The following WRN variants were observed in gnomAD, a reference collection of about 807,000 sequenced individuals.
WRN encodes WRN RecQ like helicase.
Under a neutral mutation model 180.7 loss-of-function variants are expected in WRN, and 149 were observed. The observed-to-expected ratio is 0.82, with a 90% CI of 0.72 to 0.94. WRN has a LOEUF of 0.94. Ranked by LOEUF, WRN falls within the 40% of genes least tolerant of loss-of-function variation. The pLI is 0.00. For missense variants in WRN, 1,661 were observed against 1,700.1 expected (o/e 0.98, Z 0.40); for synonymous variants, 548 against 568.9 (o/e 0.96, Z 0.52).
chr8:31,037,603 A>G (rs539622451), intron 1 of WRN, among the ~76,000 whole-genome samples: 1 of 152,324 alleles, frequency 6.6e-6, no homozygotes, highest in East Asian at 1.9e-4. Flanking sequence ...ATTCTTTTGC[A>G]TATGGTTATC....
At chr8:31,039,036 C>G (rs1218616487) in intron 1 of WRN, among the ~76,000 whole-genome samples, 1 of 152,108 alleles carries the variant, frequency 6.6e-6, no homozygotes, top group South Asian at 2.1e-4. Context: ...TTCTTCTTTT[C>G]AAGATTATTT....
chr8:31,057,969 ATTAAGTC>A, intron 1 of WRN, among the ~76,000 whole-genome samples: 1 of 152,350 alleles, frequency 6.6e-6, no homozygotes, highest in East Asian at 1.9e-4. Flanking sequence ...TGTCTTCAAA[ATTAAGTC>A]TTTGAGTAGA....
In WRN at chr8:31,081,064, C is replaced by T. The variant is rs1554520892; in HGVS notation, c.1037C>T (p.Thr346Ile). The T allele has an allele frequency of 6.2e-7, 1 of 1,613,958 alleles. No homozygotes were observed. Among genetic ancestry groups the T allele is most frequent in the Non-Finnish European group, 8.5e-7 (1 of 1,179,938 alleles). ...GTTTTAATTCACGTTGAAGATGAAACATGGGACCCAACACTTGATCATTTA... is the reference window on the plus strand; with the variant it reads ...GTTTTAATTCACGTTGAAGATGAAATATGGGACCCAACACTTGATCATTTA... ...HEVLIHVEDETWDPTLDHLAK... is the reference protein window; with the variant it reads ...HEVLIHVEDEIWDPTLDHLAK... The change falls in exon 9 of 35, where the codon ACA becomes ATA. Residue 346 changes from threonine to isoleucine, a missense_variant. Physicochemically the swap from Thr to Ile is moderately conservative, Grantham distance 89. Transcript: ENST00000298139.
At chr8:31,036,142 C>T (rs1350720573) in intron 1 of WRN, among the ~76,000 whole-genome samples, 1 of 152,208 alleles carries the variant, frequency 6.6e-6, no homozygotes, top group African/African-American at 2.4e-5. Context: ...TGGTTTATTT[C>T]ACTTAACAGA....
intron 10 of WRN, among the ~76,000 whole-genome samples, chr8:31,084,662 T>C (rs1813454339): frequency 6.6e-6 from 1 of 152,178 alleles, no homozygotes; most frequent in South Asian, 2.1e-4. Context: ...ACTGAATAAA[T>C]AACATCTCTG....
intron 1 of WRN, among the ~76,000 whole-genome samples, chr8:31,058,044 CAT>C (rs1229134904): frequency 1.3e-5 from 2 of 152,010 alleles, no homozygotes; most frequent in Non-Finnish European, 2.9e-5. Context: ...ACAGAATAAT[CAT>C]GTAGAAAATT....
chr8:31,111,825 T>C, intron 19 of WRN, 26 bp downstream of exon 19: 1 of 1,611,480 alleles, frequency 6.2e-7, no homozygotes, highest in Non-Finnish European at 8.5e-7. Flanking sequence ...TTGATGAATT[T>C]TGGTAATGAT....
chr8:31,133,742 T>C (rs901631003), intron 24 of WRN, among the ~76,000 whole-genome samples: 1 of 152,234 alleles, frequency 6.6e-6, no homozygotes, highest in African/African-American at 2.4e-5. Context: ...CTGTATTTTT[T>C]ATAACAAGAA....
chr8:31,116,645 C>T (rs769871979), intron 20 of WRN, 117 bp downstream of exon 20: 16 of 1,402,692 alleles, frequency 1.1e-5, no homozygotes, highest in Non-Finnish European at 1.3e-5. Flanking sequence ...TAAAGCAGTC[C>T]CTCTGATAAA....
Position 31,096,776 on chromosome 8 carries a change from A to C in WRN, c.1907A>C (p.Tyr636Ser), listed in dbSNP as rs569266355. The change falls in exon 17 of 35, where the codon TAC becomes TCC. Residue 636 changes from tyrosine to serine, a missense_variant. By Grantham distance (144) the Tyr-to-Ser change is moderately radical. Coordinates refer to ENST00000298139, the MANE Select transcript of WRN (RefSeq NM_000553.6). ...TTTGTTTGTTTTTACAGAGGTAAAT[A>C]CCGGATTGTATACGTAACTCCAGAA... is the stretch of plus-strand genomic sequence containing the variant. ...NVLTDIKLGK[Y>S]RIVYVTPEYC... is the part of the protein sequence containing the mutation. 6.2e-7 allele frequency: 1 copy of C among 1,608,438 alleles called. No homozygotes were observed.
intron 1 of WRN, among the ~76,000 whole-genome samples, chr8:31,046,703 A>G (rs1403712756): frequency 1.3e-5 from 2 of 152,222 alleles, no homozygotes; most frequent in Admixed American, 1.3e-4. Flanking sequence ...CTGTAGTAAG[A>G]ATAATAGAAG....
intron 7 of WRN, among the ~76,000 whole-genome samples, chr8:31,072,372 A>T (rs1208339320): frequency 2.0e-5 from 3 of 152,224 alleles, no homozygotes; most frequent in African/African-American, 7.2e-5. Flanking sequence ...AGGAGTGGTC[A>T]TTTGGAGCAT....
At chr8:31,149,471 T>G (rs898956635) in intron 30 of WRN, among the ~76,000 whole-genome samples, 3,530 of 77,762 alleles carry the variant, frequency 0.045, 391 homozygotes, top group South Asian at 0.093. Context: ...TTTTTTTTTT[T>G]TTTTTTTTTT....
chr8:31,078,604 T>C (rs1813184533), intron 8 of WRN, among the ~76,000 whole-genome samples: 1 of 152,152 alleles, frequency 6.6e-6, no homozygotes, highest in Admixed American at 6.5e-5. Flanking sequence ...ATAGAACGGT[T>C]TGAAGTTTGT....
At chr8:31,143,270 T>C (rs1378852250) in intron 27 of WRN, among the ~76,000 whole-genome samples, 1 of 152,214 alleles carries the variant, frequency 6.6e-6, no homozygotes, top group Non-Finnish European at 1.5e-5. Flanking sequence ...AGAATGTAAA[T>C]GAATTGTTTT....
chr8:31,089,028 G>A (rs1469189714), intron 13 of WRN, 63 bp downstream of exon 13: 10 of 1,441,162 alleles, frequency 6.9e-6, no homozygotes, highest in Non-Finnish European at 8.6e-6. Flanking sequence ...AAGGGAAAAG[G>A]CAAATAACCT....
intron 3 of WRN, 78 bp from the exon 4 acceptor site, chr8:31,064,211 T>A: frequency 6.4e-7 from 1 of 1,567,232 alleles, no homozygotes; most frequent in Non-Finnish European, 8.7e-7. Flanking sequence ...TGCCTTTTAA[T>A]TTTTGAATTA....
chr8:31,041,378 C>G (rs749052847), intron 1 of WRN, among the ~76,000 whole-genome samples: 1 of 152,092 alleles, frequency 6.6e-6, no homozygotes, highest in Non-Finnish European at 1.5e-5. Context: ...AAATTGAAGG[C>G]CCACCCACAT....
intron 34 of WRN, among the ~76,000 whole-genome samples, chr8:31,172,360 G>A (rs867575920): frequency 5.9e-5 from 9 of 152,118 alleles, no homozygotes; most frequent in Non-Finnish European, 1.0e-4. Flanking sequence ...AGGCTCTTTG[G>A]CACGTGAGCT....
Sources: gnomAD v4.1 joint callset for allele counts (sites outside exome capture counted in the v4.1 genomes callset) on GRCh38, gnomAD v4.1.1 for gene constraint, MANE v1.5 for transcripts, NCBI Gene and HGNC (gene_info 2026-07-23, HGNC 2026-07-21) for gene names.